The following CNBD1 variants were observed in gnomAD, a reference collection of about 807,000 sequenced individuals.
The protein encoded by CNBD1 is cyclic nucleotide-binding domain-containing protein 1.
Under a neutral mutation model 54.4 loss-of-function variants are expected in CNBD1, and 71 were observed. The ratio of observed to expected loss-of-function variants is 1.30; its 90% CI spans 1.08 to 1.59. The LOEUF is 1.59. Among genes scored for constraint, CNBD1 ranks in the 40% most tolerant of loss-of-function variants. CNBD1 has a pLI of 0.00. For synonymous variants in CNBD1, 182 were observed against 170.7 expected, an observed-to-expected ratio of 1.07 and a Z score of -0.51; for missense variants, 659 against 518.0, an observed-to-expected ratio of 1.27 and a Z score of -2.64.
At chr8:87,118,016 T>A (rs1286289698) in intron 4 of CNBD1, among the ~76,000 whole-genome samples, 22 of 152,042 alleles carry the variant, frequency 1.4e-4, no homozygotes, top group Admixed American at 1.4e-3. Flanking sequence ...AAGCATAATT[T>A]AAAAAATAGA....
chr8:87,381,845 G>A (rs747864100), intron 10 of CNBD1, among the ~76,000 whole-genome samples: 19 of 151,948 alleles, frequency 1.3e-4, no homozygotes, highest in South Asian at 6.2e-4. Flanking sequence ...AGGGGTTGAG[G>A]CATGGGAAAT....
Position 87,065,643 on chromosome 8 carries a change from C to T in CNBD1, c.431+125889C>T, listed in dbSNP as rs148479090. 6.6e-5 allele frequency among the ~76,000 whole-genome samples: 10 copies of T among 152,018 alleles called. No homozygotes were observed. The East Asian group carries it at 1.9e-3, about 29-fold the overall frequency. The stretch of plus-strand genomic sequence containing the variant: ...CTTTTCCATTTAAAAACATCAGAAA[C>T]TGACAGATTTATAAGGGGAAGGCAA... On this transcript the variant is annotated intron_variant, in intron 4 of 10. Coordinates refer to ENST00000518476, the MANE Select transcript of CNBD1 (RefSeq NM_173538.3).
intron 8 of CNBD1, among the ~76,000 whole-genome samples, chr8:87,335,662 TG>T (rs1452730142): frequency 6.6e-6 from 1 of 152,200 alleles, no homozygotes; most frequent in African/African-American, 2.4e-5. Context: ...TTATCCAATT[TG>T]TCAGTCTGTG....
At chr8:86,904,255 A>T (rs1292747821) in intron 2 of CNBD1, among the ~76,000 whole-genome samples, 1 of 152,066 alleles carries the variant, frequency 6.6e-6, no homozygotes, top group African/African-American at 2.4e-5. Context: ...GTTCAATTTG[A>T]AGTATGATAA....
chr8:86,953,886 A>G (rs1040344062), intron 4 of CNBD1, among the ~76,000 whole-genome samples: 2 of 152,124 alleles, frequency 1.3e-5, no homozygotes, highest in Non-Finnish European at 2.9e-5. Context: ...AAAAAATCCT[A>G]TGTAACTAAA....
chr8:87,301,563 A>G (rs925924548), intron 8 of CNBD1, among the ~76,000 whole-genome samples: 2 of 152,134 alleles, frequency 1.3e-5, no homozygotes, highest in Non-Finnish European at 2.9e-5. Flanking sequence ...AATAAATGTA[A>G]TACACCATAT....
intron 8 of CNBD1, among the ~76,000 whole-genome samples, chr8:87,304,837 T>C (rs2130885661): frequency 6.6e-6 from 1 of 152,126 alleles, no homozygotes; most frequent in South Asian, 2.1e-4. Context: ...AAACATTCCT[T>C]CTGAGAACTG....
chr8:87,274,950 A>G lies in CNBD1; in HGVS notation c.772-9728A>G, dbSNP rs113991722. Among the ~76,000 whole-genome samples, 406 of 116,376 alleles carry G rather than the reference A, an allele frequency of 3.5e-3. 1 individual carries two copies. The highest frequency in any genetic ancestry group is 9.7e-3 in the Middle Eastern group (2 of 206). 76.3% of individuals were successfully genotyped at this position (116,376 alleles called of 152,430 possible). ...TAATCCATCTTGAATTGATTTTTGT[A>G]TAAGGTGTAAGGAAGGGATCCAGTT... On this transcript the variant is annotated intron_variant, in intron 6 of 10. Coordinates refer to ENST00000518476, the MANE Select transcript of CNBD1 (RefSeq NM_173538.3).
rs62527283 is a variant in CNBD1, at chr8:87,117,329, G to T, written c.432-88664G>T. ...GACGAGAATTGCTTAAACCCAGGAGGCAGAGGTTGCAGTGAGCCGAGACCG... is the reference window on the plus strand; with the variant it reads ...GACGAGAATTGCTTAAACCCAGGAGTCAGAGGTTGCAGTGAGCCGAGACCG... On this transcript the variant is annotated intron_variant, in intron 4 of 10. Transcript: ENST00000518476. 3.0e-3 allele frequency among the ~76,000 whole-genome samples: 451 copies of T among 150,394 alleles called. 2 individuals are homozygous for T. Among genetic ancestry groups the T allele is most frequent in the Non-Finnish European group, 5.0e-3 (336 of 67,832 alleles).
rs187822891 is a variant in CNBD1, at chr8:87,364,653, C to T, written c.1303+10867C>T. Among the ~76,000 whole-genome samples the T allele has an allele frequency of 3.9e-3, 588 of 152,060 alleles. 8 individuals carry two copies. The highest frequency in any genetic ancestry group is 0.013 in the African/African-American group (554 of 41,502). Reference sequence around the variant, plus strand: ...TCCTCTCTCTCTTCCCACCCTCCCCCTCTCTGATAGGCCCCAGTGTGTATT... The same window carrying T: ...TCCTCTCTCTCTTCCCACCCTCCCCTTCTCTGATAGGCCCCAGTGTGTATT... On this transcript the variant is annotated intron_variant, in intron 10 of 10. Transcript: ENST00000518476.
In CNBD1 at chr8:87,235,482, G is replaced by C. The variant is rs537316677; in HGVS notation, c.578-1437G>C. On this transcript the variant is annotated intron_variant, in intron 5 of 10. Coordinates refer to ENST00000518476, the MANE Select transcript of CNBD1 (RefSeq NM_173538.3). The stretch of plus-strand genomic sequence containing the variant: ...TATTAATTGGCCTAATTTTAACATT[G>C]TTGTGTTTCAGGGAGTAGAAAGGCC... 7.6e-4 allele frequency among the ~76,000 whole-genome samples: 115 copies of C among 152,184 alleles called. 2 individuals are homozygous for C. The South Asian group carries it at 0.022, about 29-fold the overall frequency.
At chr8:87,328,202 A>G (rs1293042514) in intron 8 of CNBD1, among the ~76,000 whole-genome samples, 1 of 151,956 alleles carries the variant, frequency 6.6e-6, no homozygotes, top group Non-Finnish European at 1.5e-5. Context: ...TTCGATATCC[A>G]GTTTTTCTAA....
rs1224095733 is a variant in CNBD1, at chr8:86,925,482, A to AGAGTGTGTGT, written c.273-14113_273-14112insAGTGTGTGTG. ...TAAAATATATACGGGCTTACCAAAA[A>AGAGTGTGTGT]GTGTGTGTGTGTGTGTGTGTGTGTG... On this transcript the variant is annotated intron_variant, in intron 3 of 10. Coordinates refer to ENST00000518476, the MANE Select transcript of CNBD1 (RefSeq NM_173538.3). Among the ~76,000 whole-genome samples, 97 of 141,816 alleles carry AGAGTGTGTGT rather than the reference A, an allele frequency of 6.8e-4. 1 individual carries two copies. Among genetic ancestry groups the AGAGTGTGTGT allele is most frequent in the Middle Eastern group, 7.0e-3 (2 of 286 alleles). 93.0% of individuals were successfully genotyped at this position (141,816 alleles called of 152,430 possible). A position where few individuals can be genotyped will look rare whatever the true frequency, so the allele number is the denominator to read the frequency against.
chr8:87,423,438 G>T (rs1228761829), intron 2 of CNBD1, among the ~76,000 whole-genome samples: 3 of 151,758 alleles, frequency 2.0e-5, no homozygotes, highest in Non-Finnish European at 4.4e-5. Context: ...TTATTATTTT[G>T]AAATATGTCC....
intron 1 of CNBD1, among the ~76,000 whole-genome samples, chr8:86,884,203 A>G (rs1396604798): frequency 1.3e-5 from 2 of 151,444 alleles, no homozygotes; most frequent in Admixed American, 1.3e-4. Context: ...TTTCCGTTTC[A>G]TGTGTCCCCA....
intron 4 of CNBD1, among the ~76,000 whole-genome samples, chr8:87,110,609 C>A (rs1184813776): frequency 6.6e-6 from 1 of 152,194 alleles, no homozygotes; most frequent in Non-Finnish European, 1.5e-5. Context: ...ATATCCCCTG[C>A]CCTCCGGAGC....
At chr8:87,301,972 G>A (rs1161093537) in intron 8 of CNBD1, among the ~76,000 whole-genome samples, 1 of 152,028 alleles carries the variant, frequency 6.6e-6, no homozygotes, top group Non-Finnish European at 1.5e-5. Context: ...CCAATAACAG[G>A]CTCTGAAATT....
intron 4 of CNBD1, among the ~76,000 whole-genome samples, chr8:87,012,156 G>A (rs774064346): frequency 1.3e-5 from 2 of 152,148 alleles, no homozygotes; most frequent in Non-Finnish European, 2.9e-5. Context: ...TTTAAGAGCC[G>A]ATAAATGAGT....
intron 6 of CNBD1, among the ~76,000 whole-genome samples, chr8:87,249,143 A>G (rs1413653276): frequency 1.3e-5 from 2 of 152,104 alleles, no homozygotes; most frequent in Non-Finnish European, 1.5e-5. Flanking sequence ...GCTCCCCAGT[A>G]CTAGCATCAC....
Sources: allele counts gnomAD v4.1 joint callset (sites outside exome capture counted in the v4.1 genomes callset), GRCh38; gene constraint gnomAD v4.1.1; transcripts MANE v1.5; gene names NCBI Gene and HGNC (gene_info 2026-07-23, HGNC 2026-07-21).